Variants in TTC7A observed in about 807,000 individuals in gnomAD.
The protein encoded by TTC7A is tetratricopeptide repeat protein 7A.
A neutral mutation model predicts 103.7 loss-of-function variants in TTC7A; 110 were observed. The ratio of observed to expected loss-of-function variants is 1.06; its 90% CI spans 0.91 to 1.24. TTC7A has a LOEUF of 1.24. Among genes scored for constraint, TTC7A ranks in the 50% most tolerant of loss-of-function variants. TTC7A has a pLI of 0.00. For missense variants in TTC7A, 1,340 were observed against 1,116.3 expected (o/e 1.20, Z -2.86); for synonymous variants, 521 against 467.9 (o/e 1.11, Z -1.47).
intron 5 of TTC7A, among the ~76,000 whole-genome samples, chr2:46,987,293 G>A (rs1675113803): frequency 6.6e-6 from 1 of 152,220 alleles, no homozygotes; most frequent in Non-Finnish European, 1.5e-5. Context: ...GGCAATGGCT[G>A]CTGGGGCCAG....
At chr2:47,020,516 C>T (rs1004570420) in intron 11 of TTC7A, among the ~76,000 whole-genome samples, 28 of 152,338 alleles carry the variant, frequency 1.8e-4, no homozygotes, top group African/African-American at 6.0e-4. Context: ...CTCATCCTTC[C>T]AGTGGCCAGC....
intron 2 of TTC7A, among the ~76,000 whole-genome samples, chr2:46,952,885 C>G (rs1572706076): frequency 6.6e-6 from 1 of 152,316 alleles, no homozygotes; most frequent in South Asian, 2.1e-4. Flanking sequence ...TATATACACA[C>G]AGATATTTCT....
At chr2:46,917,126 G>C (rs1668844194) in intron 1 of TTC7A, 1 of 695,538 alleles carries the variant, frequency 1.4e-6, no homozygotes, top group African/African-American at 1.8e-5. Context: ...ATTGAAATCT[G>C]CCACCCCATC....
At chr2:46,990,382 G>A (rs1451043719) in intron 5 of TTC7A, among the ~76,000 whole-genome samples, 1 of 152,156 alleles carries the variant, frequency 6.6e-6, no homozygotes, top group Non-Finnish European at 1.5e-5. Flanking sequence ...CCTGTCCTTG[G>A]GCCTGGCTTA....
At chr2:46,917,364 C>G in intron 2 of TTC7A, 1 of 594,318 alleles carries the variant, frequency 1.7e-6, no homozygotes, top group Non-Finnish European at 3.0e-6. Context: ...TTACTCTGAA[C>G]TTTGGATTAG....
At chr2:47,028,572 C>T (rs1680172177) in intron 14 of TTC7A, among the ~76,000 whole-genome samples, 1 of 152,168 alleles carries the variant, frequency 6.6e-6, no homozygotes, top group South Asian at 2.1e-4. Context: ...CCTCTGGTCT[C>T]CCCACCACAT....
At chr2:46,981,091 A>G (rs1008095649) in intron 5 of TTC7A, among the ~76,000 whole-genome samples, 2 of 152,192 alleles carry the variant, frequency 1.3e-5, no homozygotes, top group Non-Finnish European at 1.5e-5. Context: ...ATCATTGGCC[A>G]CTGGTGATCA....
chr2:47,047,263 CA>C, intron 16 of TTC7A: 1 of 1,543,478 alleles, frequency 6.5e-7, no homozygotes, highest in Non-Finnish European at 8.8e-7. Context: ...TGTGTTTTCA[CA>C]GAGACTTTAG....
In TTC7A at chr2:46,994,447, A is replaced by T. The variant is rs1306105307; in HGVS notation, c.934A>T (p.Met312Leu). The T allele has an allele frequency of 1.9e-6, 3 of 1,613,732 alleles. No homozygotes were observed. ...CCTGTCCCACCCTCTGCCTGAGTTC[A>T]TGGGCAAGGAGGAGAGTTCTTTCGC... Reference protein sequence around the residue: ...SPLSHPLPEFMGKEESSFATQ... With the variant: ...SPLSHPLPEFLGKEESSFATQ... Residue 312 changes from methionine (M) to leucine (L), a missense_variant, in exon 7 of 20, where the codon ATG (methionine) becomes TTG (leucine). Met to Leu is a conservative substitution (Grantham distance 15, BLOSUM62 2). Coordinates refer to ENST00000319190, the MANE Select transcript of TTC7A (RefSeq NM_020458.4).
intron 3 of TTC7A, among the ~76,000 whole-genome samples, chr2:46,963,273 TACAG>T (rs146472821): frequency 0.012 from 1,841 of 152,384 alleles, 42 homozygotes; most frequent in African/African-American, 0.042. Flanking sequence ...CATTGTTTTA[TACAG>T]ACAAAGCTTT....
intron 5 of TTC7A, among the ~76,000 whole-genome samples, chr2:46,982,645 ACACCCACC>A (rs1440876538): frequency 6.6e-6 from 1 of 152,086 alleles, no homozygotes; most frequent in Non-Finnish European, 1.5e-5. Flanking sequence ...TTATATGTGA[ACACCCACC>A]CACCCATCCA....
Position 47,007,690 on chromosome 2 carries a change from G to A in TTC7A, c.1287+966G>A, listed in dbSNP as rs889457792. On this transcript the variant is annotated intron_variant, in intron 10 of 19. Coordinates refer to ENST00000319190, the MANE Select transcript of TTC7A (RefSeq NM_020458.4). The surrounding 1 kb of genome is among the most constrained non-coding windows in gnomAD (Gnocchi z 4.9). Reference sequence around the variant, plus strand: ...GAGGCAGGCCAGGCCCTGGCAGGGAGGGGGAAGAGGAGCAGGTGCTGCAGC... The same window carrying A: ...GAGGCAGGCCAGGCCCTGGCAGGGAAGGGGAAGAGGAGCAGGTGCTGCAGC... Among the ~76,000 whole-genome samples the A allele has an allele frequency of 1.4e-4, 21 of 152,184 alleles. No homozygotes were observed. The highest frequency in any genetic ancestry group is 5.1e-4 in the African/African-American group (21 of 41,444).
At position 47,026,727 on chromosome 2, in the gene TTC7A, T is replaced by C. The variant is rs1679960648; in HGVS notation, c.1641+2368T>C. Among the ~76,000 whole-genome samples the C allele has an allele frequency of 2.0e-5, 3 of 152,196 alleles. No homozygotes were observed. The South Asian group carries it at 6.2e-4, about 31-fold the overall frequency. On this transcript the variant is annotated intron_variant, in intron 14 of 19. Transcript: ENST00000319190. ...AAGAGGGAAACGCACACTTTAAAAG[T>C]GTTTGTTCCACCAGTACTTTGCAAG...
At position 46,956,940 on chromosome 2, in the gene TTC7A, T is replaced by C. The variant is rs748520590; in HGVS notation, c.450T>C (p.Asp150=). The change falls in exon 3 of 20, where the codon GAT becomes GAC. Residue 150 remains aspartate (D), a synonymous_variant. Coordinates refer to ENST00000319190, the MANE Select transcript of TTC7A (RefSeq NM_020458.4). ...GCATGTACGCACGGGCCGGGATTGA[T>C]GACATGTCCATGGAGAACAAGCCCC... The part of the protein sequence containing the change: ...AISMYARAGI[D]DMSMENKPLY... The C allele has an allele frequency of 1.9e-6, 3 of 1,614,040 alleles. No individual in the cohort carries two copies. The highest frequency in any genetic ancestry group is 2.5e-6 in the Non-Finnish European group (3 of 1,180,028).
At chr2:47,066,964 G>C (rs1047857375) in intron 19 of TTC7A, among the ~76,000 whole-genome samples, 2 of 152,238 alleles carry the variant, frequency 1.3e-5, no homozygotes, top group East Asian at 3.8e-4. Flanking sequence ...CATCTGGCGA[G>C]GGCCTTCTTG....
chr2:46,943,108 G>A (rs1670596047), intron 1 of TTC7A, among the ~76,000 whole-genome samples: 1 of 152,138 alleles, frequency 6.6e-6, no homozygotes, highest in Non-Finnish European at 1.5e-5. Flanking sequence ...GTTTCGCCAT[G>A]TTGCCCAGGC....
At chr2:47,037,521 T>C (rs1393617826) in intron 15 of TTC7A, among the ~76,000 whole-genome samples, 2 of 152,212 alleles carry the variant, frequency 1.3e-5, no homozygotes, top group African/African-American at 4.8e-5. Context: ...AATGTGAAAG[T>C]TAGATGATAG....
At chr2:46,950,967 G>A (rs1332476743) in intron 2 of TTC7A, among the ~76,000 whole-genome samples, 3 of 152,062 alleles carry the variant, frequency 2.0e-5, no homozygotes, top group Non-Finnish European at 2.9e-5. Flanking sequence ...TATTTTTTTG[G>A]ACAGTGCTTG....
chr2:46,997,642 C>T (rs1225046564), intron 8 of TTC7A, among the ~76,000 whole-genome samples: 1 of 152,192 alleles, frequency 6.6e-6, no homozygotes, highest in Non-Finnish European at 1.5e-5. Context: ...GGACGCAGGG[C>T]TCCTGGACTT....
Sources: allele counts gnomAD v4.1 joint callset (sites outside exome capture counted in the v4.1 genomes callset), GRCh38; gene constraint gnomAD v4.1.1; non-coding constraint Gnocchi (gnomAD v3.1); transcripts MANE v1.5; gene names NCBI Gene and HGNC (gene_info 2026-07-23, HGNC 2026-07-21).